HUNK: variants seen among roughly 807,000 people sequenced by gnomAD.
The protein encoded by HUNK is hormonally up-regulated neu tumor-associated kinase.
A neutral mutation model predicts 61.0 loss-of-function variants in HUNK; 21 were observed. The ratio of observed to expected loss-of-function variants is 0.34; its 90% confidence interval spans 0.24 to 0.50. The LOEUF (loss-of-function observed/expected upper bound fraction) is 0.50, where lower values mean the gene tolerates loss of function less well. HUNK is among the 20% of genes least tolerant of loss of function. The probability of loss-of-function intolerance (pLI) is 0.98; values close to 1 mark genes in which losing one functional copy is unlikely to be tolerated. For synonymous variants in HUNK, 371 were observed against 386.1 expected (o/e 0.96, Z 0.46); for missense variants, 772 against 945.7 (o/e 0.82, Z 2.41).
At chr21:31,993,980 G>A (rs1470303076) in intron 9 of HUNK, among the ~76,000 whole-genome samples, 1 of 152,206 alleles carries the variant, frequency 6.6e-6, no homozygotes, top group Admixed American at 6.5e-5. Context: ...CAAGTCAAGG[G>A]TTGACAACAT....
chr21:31,914,263 C>T (rs982509076), intron 1 of HUNK, among the ~76,000 whole-genome samples: 13 of 151,882 alleles, frequency 8.6e-5, no homozygotes, highest in African/African-American at 2.9e-4. Context: ...CAAAATTAGC[C>T]GGGCATGGTG....
intron 6 of HUNK, among the ~76,000 whole-genome samples, chr21:31,970,360 C>T (rs1220959544): frequency 5.3e-5 from 8 of 152,136 alleles, no homozygotes; most frequent in African/African-American, 1.9e-4. Context: ...AGAATTCTAG[C>T]ATTTGGCTCA....
intron 1 of HUNK, among the ~76,000 whole-genome samples, chr21:31,908,753 T>C (rs563354003): frequency 5.1e-4 from 78 of 152,250 alleles, no homozygotes; most frequent in African/African-American, 1.7e-3. Context: ...GCTTCCTCTC[T>C]GTTGTTGCGG....
intron 1 of HUNK, among the ~76,000 whole-genome samples, chr21:31,912,909 A>C (rs1453843965): frequency 6.6e-6 from 1 of 152,198 alleles, no homozygotes; most frequent in Non-Finnish European, 1.5e-5. Flanking sequence ...TTTGAAGGGA[A>C]GGCACTGGTC....
intron 9 of HUNK, among the ~76,000 whole-genome samples, chr21:31,992,135 C>T (rs567231494): frequency 6.6e-6 from 1 of 152,154 alleles, no homozygotes; most frequent in Admixed American, 6.5e-5. Context: ...GCAGCCATGC[C>T]GGGAAAGAAG....
Position 31,897,105 on chromosome 21 carries a change from G to A in HUNK, c.261+23170G>A, listed in dbSNP as rs559257352. Among the ~76,000 whole-genome samples the A allele has an allele frequency of 2.6e-5, 4 of 152,286 alleles. No individual in the cohort carries two copies. In the East Asian group the frequency reaches 7.7e-4, roughly 29 times the overall value. ...ACAAAAATACAAAAATTACCCAGAA[G>A]TGGTGGCGAAGGCCTGTAGTCCCAG... On this transcript the variant is annotated intron_variant, in intron 1 of 10. Transcript: ENST00000270112.
Position 32,001,655 on chromosome 21 carries a change from G to T in HUNK, c.*2471G>T, listed in dbSNP as rs1427372136. ...TGATGAAAGGGGATCAGCTGTATTT[G>T]TGTGTGTGTGTGTGTGTGAGCACCT... On this transcript the variant is annotated 3_prime_UTR_variant, in exon 11 of 11. Transcript: ENST00000270112. The T allele has an allele frequency of 8.5e-6, 1 of 118,266 alleles. No individual in the cohort carries two copies. The highest frequency in any genetic ancestry group is 2.0e-5 in the Non-Finnish European group (1 of 48,986). The allele number at this position is 118,266 out of a possible 1,614,324, so 7.3% of individuals were successfully genotyped here.
chr21:31,874,026 G>A (rs2052238049), intron 1 of HUNK, 91 bp downstream of exon 1: 2 of 1,040,888 alleles, frequency 1.9e-6, no homozygotes, highest in Non-Finnish European at 1.3e-6. Flanking sequence ...GAGTCCCAGT[G>A]TGCAGTCCCG....
chr21:31,945,384 G>A (rs777240822), intron 3 of HUNK, among the ~76,000 whole-genome samples: 4 of 152,150 alleles, frequency 2.6e-5, no homozygotes, highest in Non-Finnish European at 4.4e-5. Flanking sequence ...CCATGAGGTC[G>A]CTTAGTCTAG....
intron 4 of HUNK, among the ~76,000 whole-genome samples, chr21:31,955,943 TAACTC>T (rs968173866): frequency 6.6e-6 from 1 of 152,336 alleles, no homozygotes; most frequent in Non-Finnish European, 1.5e-5. Context: ...TTCCTCCCCT[TAACTC>T]AATTCACTCC....
At chr21:31,919,068 T>G (rs1392467627) in intron 1 of HUNK, among the ~76,000 whole-genome samples, 207 of 83,392 alleles carry the variant, frequency 2.5e-3, no homozygotes, top group African/African-American at 9.2e-3. Flanking sequence ...GGTATGAGGA[T>G]GAGGGGCTGG....
chr21:31,924,147 A>G lies in HUNK; in HGVS notation c.262-321A>G, dbSNP rs1293414567. On this transcript the variant is annotated intron_variant, in intron 1 of 10. Coordinates refer to ENST00000270112, the MANE Select transcript of HUNK (RefSeq NM_014586.2). This position sits in a 1 kb window ranked among gnomAD's most constrained non-coding sequence, Gnocchi z 5.1. ...TTTCATCTTCCCATCCTGTAGAAAA[A>G]TAAATTTGACATTAATCCTGCACTG... Among the ~76,000 whole-genome samples, 1 of 152,186 alleles carries G rather than the reference A, an allele frequency of 6.6e-6. No individual in the cohort carries two copies. Among genetic ancestry groups the G allele is most frequent in the Non-Finnish European group, 1.5e-5 (1 of 68,034 alleles).
At chr21:31,913,295 T>C (rs989896638) in intron 1 of HUNK, among the ~76,000 whole-genome samples, 1 of 150,764 alleles carries the variant, frequency 6.6e-6, no homozygotes, top group African/African-American at 2.4e-5. Flanking sequence ...GCCAAGAGTG[T>C]GTGGGAGGGA....
At chr21:31,885,843 T>C (rs2052341871) in intron 1 of HUNK, among the ~76,000 whole-genome samples, 1 of 152,166 alleles carries the variant, frequency 6.6e-6, no homozygotes, top group Non-Finnish European at 1.5e-5. Flanking sequence ...CAAGCGATTT[T>C]CCTGCCTCAG....
chr21:31,955,463 C>T (rs1223155154), intron 4 of HUNK, among the ~76,000 whole-genome samples: 1 of 150,120 alleles, frequency 6.7e-6, no homozygotes, highest in African/African-American at 2.5e-5. Flanking sequence ...TGGTGGCAGG[C>T]GCCTGTAGTC....
At chr21:31,921,839 C>A (rs1036662670) in intron 1 of HUNK, among the ~76,000 whole-genome samples, 2 of 152,118 alleles carry the variant, frequency 1.3e-5, no homozygotes, top group African/African-American at 4.8e-5. Flanking sequence ...TTAAGGTTTT[C>A]TTCAGCTTTA....
At chr21:31,917,693 CAT>C (rs1377768419) in intron 1 of HUNK, among the ~76,000 whole-genome samples, 918 of 88,118 alleles carry the variant, frequency 0.01, 20 homozygotes, top group African/African-American at 0.023. Context: ...CATTCCCAAA[CAT>C]ACACACACAC....
chr21:31,962,100 G>T (rs1449586382), intron 5 of HUNK, among the ~76,000 whole-genome samples: 1 of 152,236 alleles, frequency 6.6e-6, no homozygotes, highest in Non-Finnish European at 1.5e-5. Context: ...GAAAGAGAAA[G>T]AGAAGTTCTT....
intron 2 of HUNK, among the ~76,000 whole-genome samples, chr21:31,933,323 A>C (rs930024751): frequency 3.3e-5 from 5 of 152,130 alleles, no homozygotes; most frequent in Non-Finnish European, 7.3e-5. Context: ...TCCCAGGGCC[A>C]TTCTCTTCTC....
Sources: gnomAD v4.1 joint callset for allele counts (sites outside exome capture counted in the v4.1 genomes callset) on GRCh38, gnomAD v4.1.1 for gene constraint, Gnocchi (gnomAD v3.1) non-coding constraint, MANE v1.5 for transcripts, NCBI Gene and HGNC (gene_info 2026-07-23, HGNC 2026-07-21) for gene names.